Variants in ASCC3 observed in about 807,000 individuals in gnomAD.
The protein encoded by ASCC3 is activating signal cointegrator 1 complex subunit 3, also known as ASC-1 complex subunit P200.
In ASCC3, 158 loss-of-function variants were observed where a neutral mutation model predicts 256.3. The ratio of observed to expected loss-of-function variants is 0.62; its 90% confidence interval spans 0.54 to 0.70. ASCC3 has a LOEUF of 0.70. Ranked by LOEUF, ASCC3 falls within the 30% of genes least tolerant of loss-of-function variation. ASCC3 has a pLI of 0.00. For missense variants in ASCC3, 2,259 were observed against 2,626.0 expected (o/e 0.86, Z 3.05); for synonymous variants, 948 against 883.4 (o/e 1.07, Z -1.30).
chr6:100,725,630 A>G lies in ASCC3; in HGVS notation c.1811T>C (p.Ile604Thr), dbSNP rs1779583307. ...TTCATCAAGAATAAGGAGCCTTACA[A>G]TCTGGGAAAGAGCTACATCCCCAAC... ...KSVGDVALSQ[I>T]VRLLILDEVH... Residue 604 changes from isoleucine (I) to threonine (T), a missense_variant, in exon 11 of 42, where the codon ATT (isoleucine) becomes ACT (threonine). Ile to Thr is a moderately conservative substitution (Grantham distance 89). Around this residue, in one of 2 missense-constraint regions of ASCC3, gnomAD observed 1,839 missense variants for 2,206.7 expected, o/e 0.83. Transcript: ENST00000369162. 6.2e-7 allele frequency: 1 copy of G among 1,612,684 alleles called. No individual in the cohort carries two copies. Among genetic ancestry groups the G allele is most frequent in the Non-Finnish European group, 8.5e-7 (1 of 1,179,136 alleles).
intron 10 of ASCC3, among the ~76,000 whole-genome samples, chr6:100,737,133 T>G (rs1780210342): frequency 4.8e-5 from 6 of 123,908 alleles, no homozygotes; most frequent in East Asian, 2.5e-4. Context: ...GGCAACAGAG[T>G]GAGACTCCGT....
At chr6:100,647,997 C>T (rs537842322) in intron 20 of ASCC3, among the ~76,000 whole-genome samples, 1 of 152,140 alleles carries the variant, frequency 6.6e-6, no homozygotes, top group East Asian at 1.9e-4. Flanking sequence ...ACATATATTG[C>T]CTCATTTAAC....
chr6:100,603,266 C>T (rs1290597856), intron 33 of ASCC3, among the ~76,000 whole-genome samples: 2 of 151,826 alleles, frequency 1.3e-5, no homozygotes, highest in African/African-American at 4.8e-5. Context: ...AACTTTTTAT[C>T]GAAGTATACA....
At chr6:100,631,310 T>C (rs957465991) in intron 25 of ASCC3, 97 bp from the exon 26 acceptor site, 1 of 908,992 alleles carries the variant, frequency 1.1e-6, no homozygotes, top group African/African-American at 1.7e-5. Context: ...AATATGACAG[T>C]GTGGTTTGAA....
At chr6:100,632,182 T>TAAAAAAAAAAA (rs35229827) in intron 25 of ASCC3, among the ~76,000 whole-genome samples, 6 of 102,006 alleles carry the variant, frequency 5.9e-5, no homozygotes, top group East Asian at 2.8e-4. Flanking sequence ...GCAAACTATC[T>TAAAAAAAAAAA]AAAAAAAAAA....
In ASCC3 at chr6:100,675,025, T is replaced by C. The variant is rs1053050116; in HGVS notation, c.2286+4593A>G. On this transcript the variant is annotated intron_variant, in intron 14 of 41. Transcript: ENST00000369162. ...AAAGGCAGAGTGTGTGAATCAACAT[T>C]AAAACACAGGTTTGCTTAGATCCAA... is the stretch of plus-strand genomic sequence containing the variant. Among the ~76,000 whole-genome samples, 17 of 152,160 alleles carry C rather than the reference T, an allele frequency of 1.1e-4. 1 individual carries two copies. The highest frequency in any genetic ancestry group is 9.8e-4 in the Admixed American group (15 of 15,280).
In ASCC3 at chr6:100,715,550, C is replaced by G. The variant is rs751239609; in HGVS notation, c.2080-17G>C. The G allele has an allele frequency of 6.3e-7, 1 of 1,596,180 alleles. No homozygotes were observed. The highest frequency in any genetic ancestry group is 8.6e-7 in the Non-Finnish European group (1 of 1,166,808). On this transcript the variant is annotated splice_polypyrimidine_tract_variant and intron_variant, in intron 12 of 41. Coordinates refer to ENST00000369162, the MANE Select transcript of ASCC3 (RefSeq NM_006828.4). ...CTGCTGCATCTTGAAGATTTTAAAACATAAAAAAAATCATGTGAAACAATT... is the reference window on the plus strand; with the variant it reads ...CTGCTGCATCTTGAAGATTTTAAAAGATAAAAAAAATCATGTGAAACAATT...
At chr6:100,813,677 C>T (rs705584) in intron 4 of ASCC3, among the ~76,000 whole-genome samples, 88,011 of 151,486 alleles carry the variant, frequency 0.58, 26,124 homozygotes, top group East Asian at 0.72. Context: ...CCAACATATA[C>T]TAATTGAAAC....
chr6:100,596,100 T>C (rs1429175812), intron 34 of ASCC3, among the ~76,000 whole-genome samples: 1 of 152,174 alleles, frequency 6.6e-6, no homozygotes, highest in African/African-American at 2.4e-5. Context: ...TTTGATTTCA[T>C]CTTTTACTAC....
Position 100,872,328 on chromosome 6 carries a change from A to C in ASCC3, c.-41-4290T>G, listed in dbSNP as rs1240999172. Among the ~76,000 whole-genome samples, 3 of 152,146 alleles carry C rather than the reference A, an allele frequency of 2.0e-5. No homozygotes were observed. The East Asian group carries it at 5.8e-4, about 29-fold the overall frequency. The stretch of plus-strand genomic sequence containing the variant: ...CATTTTTATTCTAACTCACAAACCT[A>C]GCAAATCCTAACAAGATAATACACT... On this transcript the variant is annotated intron_variant, in intron 1 of 41. Coordinates refer to ENST00000369162, the MANE Select transcript of ASCC3 (RefSeq NM_006828.4).
intron 36 of ASCC3, among the ~76,000 whole-genome samples, chr6:100,546,722 G>A (rs1053788964): frequency 1.3e-5 from 2 of 152,066 alleles, no homozygotes; most frequent in African/African-American, 4.8e-5. Context: ...AAGCTGAATT[G>A]CTGAAACTTT....
At chr6:100,608,145 T>G (rs189183013) in intron 30 of ASCC3, among the ~76,000 whole-genome samples, 9 of 110,406 alleles carry the variant, frequency 8.2e-5, no homozygotes, top group Admixed American at 3.2e-4. Flanking sequence ...TGTATATATA[T>G]CTATATATAC....
rs553043125 is a variant in ASCC3, at chr6:100,609,278, A to T, written c.4786-2190T>A. Among the ~76,000 whole-genome samples, 8 of 143,930 alleles carry T rather than the reference A, an allele frequency of 5.6e-5. No homozygotes were observed. The South Asian group carries it at 7.2e-4, about 13-fold the overall frequency. The allele number at this position is 143,930 out of a possible 152,430, so 94.4% of individuals were successfully genotyped here. A position where few individuals can be genotyped will look rare whatever the true frequency, so the allele number is the denominator to read the frequency against. On this transcript the variant is annotated intron_variant, in intron 30 of 41. Coordinates refer to ENST00000369162, the MANE Select transcript of ASCC3 (RefSeq NM_006828.4). ...ATCTTGTAATTTATTTTTGTATAGA[A>T]ACTATGGTAGAAATCTAAGTTTAGT...
At chr6:100,807,023 AGT>A (rs762131074) in intron 4 of ASCC3, among the ~76,000 whole-genome samples, 52 of 152,104 alleles carry the variant, frequency 3.4e-4, no homozygotes, top group Middle Eastern at 6.8e-3. Flanking sequence ...AACTAATAGT[AGT>A]GTTTTCTAAA....
intron 11 of ASCC3, among the ~76,000 whole-genome samples, chr6:100,723,539 T>C (rs1283711551): frequency 6.6e-6 from 1 of 151,616 alleles, no homozygotes; most frequent in Non-Finnish European, 1.5e-5. Flanking sequence ...TTTCGAACTT[T>C]TAAAAAATAC....
At chr6:100,580,655 A>G (rs1430843188) in intron 36 of ASCC3, among the ~76,000 whole-genome samples, 3 of 151,912 alleles carry the variant, frequency 2.0e-5, no homozygotes, top group Admixed American at 1.3e-4. Context: ...ATATGTATAC[A>G]TGTGCCATGC....
At chr6:100,798,888 T>C (rs750437441) in intron 7 of ASCC3, 50 bp from the exon 8 acceptor site, 2 of 1,479,786 alleles carry the variant, frequency 1.4e-6, no homozygotes, top group South Asian at 2.3e-5. Context: ...ATAAAACACT[T>C]GCTCTGGTAA....
intron 14 of ASCC3, among the ~76,000 whole-genome samples, chr6:100,675,796 A>G (rs1380007545): frequency 1.3e-5 from 2 of 152,192 alleles, no homozygotes; most frequent in African/African-American, 4.8e-5. Context: ...AATCAGAAAC[A>G]TACGGTAAAG....
At chr6:100,758,096 A>C (rs1437514798) in intron 10 of ASCC3, among the ~76,000 whole-genome samples, 1 of 152,124 alleles carries the variant, frequency 6.6e-6, no homozygotes, top group Non-Finnish European at 1.5e-5. Flanking sequence ...CTGATATCAT[A>C]ATACTCAAAA....
Sources: allele counts gnomAD v4.1 joint callset (sites outside exome capture counted in the v4.1 genomes callset), GRCh38; gene constraint gnomAD v4.1.1; regional missense constraint gnomAD v4.1.1; transcripts MANE v1.5; gene names NCBI Gene and HGNC (gene_info 2026-07-23, HGNC 2026-07-21).